CCDC150: variants seen among roughly 807,000 people sequenced by gnomAD.
CCDC150 encodes coiled-coil domain-containing protein 150.
Under a neutral mutation model 156.5 loss-of-function variants are expected in CCDC150, and 151 were observed. That is an observed-to-expected ratio of 0.97 (90% CI 0.85 to 1.10). The LOEUF is 1.10. CCDC150 is among the 50% of genes least tolerant of loss of function. The probability of loss-of-function intolerance (pLI) is 0.00; values close to 1 mark genes in which losing one functional copy is unlikely to be tolerated. For missense variants in CCDC150, 1,312 were observed against 1,268.1 expected (o/e 1.03, Z -0.53); for synonymous variants, 452 against 429.4 (o/e 1.05, Z -0.65).
chr2:196,712,300 A>G (rs1339255425), intron 16 of CCDC150, 48 bp downstream of exon 16: 1 of 1,061,586 alleles, frequency 9.4e-7, no homozygotes, highest in African/African-American at 1.6e-5. Context: ...TTTCGTTTTT[A>G]AGAAATTGTT....
At chr2:196,721,314 G>A (rs1697868463) in intron 20 of CCDC150, among the ~76,000 whole-genome samples, 1 of 71,276 alleles carries the variant, frequency 1.4e-5, no homozygotes, top group African/African-American at 5.0e-5. Context: ...TGTTTCCTGA[G>A]CAATGTCTCT....
chr2:196,720,658 A>G lies in CCDC150; in HGVS notation c.2249A>G (p.His750Arg), dbSNP rs1410376186. The G allele has an allele frequency of 6.2e-7, 1 of 1,613,732 alleles. No individual in the cohort carries two copies. The highest frequency in any genetic ancestry group is 2.2e-5 in the East Asian group (1 of 44,872). Residue 750 changes from histidine to arginine, a missense_variant, in exon 20 of 28, where the codon CAC (histidine) becomes CGC (arginine). Coordinates refer to ENST00000389175, the MANE Select transcript of CCDC150 (RefSeq NM_001080539.2). ...QARMLVMEDQ[H>R]NSEIESLQKA... ...AGGATGCTTGTCATGGAGGACCAGC[A>G]CAACAGTGAGGTTGGAGCCAGGCTT...
intron 17 of CCDC150, chr2:196,713,196 A>G (rs1190853104): frequency 2.7e-6 from 3 of 1,099,664 alleles, no homozygotes; most frequent in Non-Finnish European, 3.6e-6. Context: ...CATATTTTAC[A>G]GTGTGATCTC....
At position 196,719,594 on chromosome 2, in the gene CCDC150, A is replaced by G; in HGVS notation, c.2093A>G (p.Gln698Arg). Residue 698 changes from glutamine (Q) to arginine (R), a missense_variant, in exon 19 of 28, where the codon CAA (glutamine) becomes CGA (arginine). Coordinates refer to ENST00000389175, the MANE Select transcript of CCDC150 (RefSeq NM_001080539.2). ...GTGCTGGCTTCTCACAGTAAGATGCAAGGTGCTCTGGAGAAAGTACAAATA... is the reference window on the plus strand; with the variant it reads ...GTGCTGGCTTCTCACAGTAAGATGCGAGGTGCTCTGGAGAAAGTACAAATA... ...ENVLASHSKM[Q>R]GALEKVQIEL... 6.2e-7 allele frequency: 1 copy of G among 1,613,510 alleles called. No homozygotes were observed.
At position 196,730,900 on chromosome 2, in the gene CCDC150, G is replaced by A; in HGVS notation, c.3024G>A (p.Glu1008=). 1 of 1,602,206 alleles carries A rather than the reference G, an allele frequency of 6.2e-7. No homozygotes were observed. The highest frequency in any genetic ancestry group is 8.5e-7 in the Non-Finnish European group (1 of 1,174,236). Residue 1008 remains glutamate (E), a synonymous_variant, in exon 26 of 28, where the codon GAG becomes GAA. Coordinates refer to ENST00000389175, the MANE Select transcript of CCDC150 (RefSeq NM_001080539.2). ...ETVRHLKKCK[E]ATENTLKEAS... Reference sequence around the variant, plus strand: ...TCAGACACCTGAAGAAATGTAAAGAGGCAACAGAGAATACGCTGAAAGAAG... The same window carrying A: ...TCAGACACCTGAAGAAATGTAAAGAAGCAACAGAGAATACGCTGAAAGAAG...
In CCDC150 at chr2:196,676,699, C is replaced by T. The variant is rs1694526599; in HGVS notation, c.1408C>T (p.Leu470=). The change falls in exon 12 of 28, where the codon CTG becomes TTG. Residue 470 remains leucine, a synonymous_variant. Transcript: ENST00000389175. ...AGCATCAATGCAAGAGAAGAAGTCT[C>T]TGCTAGAGGAGAAAGAAAGATTTCA... The part of the protein sequence containing the change: ...LEASMQEKKS[L]LEEKERFQRE... 6.2e-7 allele frequency: 1 copy of T among 1,613,308 alleles called. No individual in the cohort carries two copies. The highest frequency in any genetic ancestry group is 1.3e-5 in the African/African-American group (1 of 74,892).
At chr2:196,666,684 C>T in intron 6 of CCDC150, 35 bp from the exon 7 acceptor site, 1 of 1,547,238 alleles carries the variant, frequency 6.5e-7, no homozygotes, top group Non-Finnish European at 8.7e-7. Context: ...AAATCTTTAT[C>T]TCACAGAAAA....
intron 15 of CCDC150, among the ~76,000 whole-genome samples, chr2:196,711,100 G>C (rs1022898936): frequency 2.0e-5 from 3 of 152,068 alleles, no homozygotes; most frequent in Admixed American, 6.5e-5. Context: ...GTAAGTGCTT[G>C]GTTTACCTTG....
At chr2:196,644,340 G>C (rs573196973) in intron 1 of CCDC150, among the ~76,000 whole-genome samples, 1 of 152,250 alleles carries the variant, frequency 6.6e-6, no homozygotes, top group Non-Finnish European at 1.5e-5. Flanking sequence ...GTCAGTAGCT[G>C]GACAGCAGGT....
chr2:196,641,593 A>G (rs764276865), intron 1 of CCDC150, among the ~76,000 whole-genome samples: 4 of 151,998 alleles, frequency 2.6e-5, no homozygotes, highest in South Asian at 2.1e-4. Context: ...CAAACTATGT[A>G]TTTTACTTAG....
intron 22 of CCDC150, chr2:196,727,838 C>G (rs1484289974): frequency 6.6e-6 from 1 of 151,640 alleles, no homozygotes; most frequent in African/African-American, 2.4e-5. Flanking sequence ...TGGTGAAACC[C>G]TGTCTCTACT....
At chr2:196,671,049 T>C (rs1305265799) in intron 8 of CCDC150, among the ~76,000 whole-genome samples, 2 of 152,206 alleles carry the variant, frequency 1.3e-5, no homozygotes, top group Admixed American at 1.3e-4. Flanking sequence ...TGAACCTATA[T>C]TGACACATTA....
intron 18 of CCDC150, 125 bp downstream of exon 18, chr2:196,718,756 T>C: frequency 8.0e-7 from 1 of 1,251,024 alleles, no homozygotes; most frequent in East Asian, 2.6e-5. Context: ...AGGATTTCTT[T>C]TTCTGGAGAA....
intron 2 of CCDC150, among the ~76,000 whole-genome samples, chr2:196,655,734 G>A (rs1255000633): frequency 6.6e-6 from 1 of 152,030 alleles, no homozygotes; most frequent in Non-Finnish European, 1.5e-5. Flanking sequence ...TGAGACTCTT[G>A]TATTCCTAAT....
chr2:196,692,748 AT>A, intron 13 of CCDC150, among the ~76,000 whole-genome samples: 2 of 152,258 alleles, frequency 1.3e-5, no homozygotes, highest in Middle Eastern at 6.8e-3. Flanking sequence ...CAATTATGTG[AT>A]CAATTTTAGA....
At chr2:196,729,056 A>C in intron 22 of CCDC150, 137 bp from the exon 23 acceptor site, 1 of 755,800 alleles carries the variant, frequency 1.3e-6, no homozygotes, top group Non-Finnish European at 2.1e-6. Context: ...AAATCTGCTT[A>C]ATCAGACATT....
chr2:196,680,668 T>A (rs1412407623), intron 13 of CCDC150, among the ~76,000 whole-genome samples: 1 of 152,216 alleles, frequency 6.6e-6, no homozygotes, highest in East Asian at 1.9e-4. Context: ...TGGGTATTAA[T>A]GATTCTGTGA....
chr2:196,664,576 C>T (rs1241728489), intron 5 of CCDC150, among the ~76,000 whole-genome samples: 1 of 152,166 alleles, frequency 6.6e-6, no homozygotes, highest in African/African-American at 2.4e-5. Context: ...GCACTCTGAA[C>T]CCAGTTCTTT....
At chr2:196,694,106 G>A (rs1432031937) in intron 13 of CCDC150, among the ~76,000 whole-genome samples, 14 of 145,684 alleles carry the variant, frequency 9.6e-5, no homozygotes, top group Admixed American at 7.0e-5. Flanking sequence ...ACCCAGGCTG[G>A]AGTGCAATGG....
Sources: gnomAD v4.1 joint callset for allele counts (sites outside exome capture counted in the v4.1 genomes callset) on GRCh38, gnomAD v4.1.1 for gene constraint, MANE v1.5 for transcripts, NCBI Gene and HGNC (gene_info 2026-07-23, HGNC 2026-07-21) for gene names.